TBC1D32: variants seen among roughly 807,000 people sequenced by gnomAD.
TBC1D32 encodes the protein protein broad-minded.
In TBC1D32, 151 loss-of-function variants were observed where a neutral mutation model predicts 170.3. The observed-to-expected ratio is 0.89, with a 90% CI of 0.78 to 1.01. The LOEUF is 1.01. Ranked by LOEUF, TBC1D32 falls within the 50% of genes least tolerant of loss-of-function variation. The pLI is 0.00. For synonymous variants in TBC1D32, 498 were observed against 488.0 expected (o/e 1.02, Z -0.27); for missense variants, 1,464 against 1,457.1 (o/e 1.00, Z -0.08).
chr6:121,182,203 C>T (rs762419768), intron 22 of TBC1D32, among the ~76,000 whole-genome samples: 1 of 151,906 alleles, frequency 6.6e-6, no homozygotes, highest in Non-Finnish European at 1.5e-5. Context: ...GCAAATAGTA[C>T]TTGCAAATTC....
intron 22 of TBC1D32, among the ~76,000 whole-genome samples, chr6:121,188,383 T>A (rs1789490839): frequency 6.6e-6 from 1 of 152,122 alleles, no homozygotes; most frequent in African/African-American, 2.4e-5. Flanking sequence ...AAAGGATACA[T>A]AGTCATAACA....
chr6:121,256,045 G>T (rs1462140455), intron 16 of TBC1D32, 39 bp downstream of exon 16: 1 of 1,535,144 alleles, frequency 6.5e-7, no homozygotes, highest in South Asian at 1.2e-5. Flanking sequence ...TTGAAATAAA[G>T]ATTTGCAGGG....
In TBC1D32 at chr6:121,106,141, A is replaced by G. The variant is rs1778657889; in HGVS notation, c.3347T>C (p.Val1116Ala). ...HISSYLPNDT[V>A]ESGIHPVYFC... ...ATATACTGGATGGATGCCAGATTCT[A>G]CAGTGTCATTAGGAAGGTAACTCTG... is the stretch of plus-strand genomic sequence containing the variant. The change falls in exon 30 of 32, where the codon GTA becomes GCA. Residue 1116 changes from valine (V) to alanine (A), a missense_variant. This residue lies in a region of TBC1D32 where 1,363 missense variants were observed against 1,338.1 expected (regional missense o/e 1.02). Coordinates refer to ENST00000398212, the MANE Select transcript of TBC1D32 (RefSeq NM_152730.6). The G allele has an allele frequency of 5.1e-6, 8 of 1,567,976 alleles. No individual in the cohort carries two copies. In the South Asian group the frequency reaches 6.1e-5, roughly 12 times the overall value.
At chr6:121,231,318 T>C (rs1212568025) in intron 20 of TBC1D32, among the ~76,000 whole-genome samples, 3 of 152,192 alleles carry the variant, frequency 2.0e-5, no homozygotes, top group Non-Finnish European at 4.4e-5. Context: ...TCTTTACTCA[T>C]TGATTGATGT....
chr6:121,326,636 C>A (rs545682070), intron 1 of TBC1D32, among the ~76,000 whole-genome samples: 2 of 152,118 alleles, frequency 1.3e-5, no homozygotes, highest in Non-Finnish European at 2.9e-5. Flanking sequence ...CCTATGACCA[C>A]AGTAATATCT....
At chr6:121,180,776 T>A (rs912995822) in intron 22 of TBC1D32, among the ~76,000 whole-genome samples, 1 of 152,006 alleles carries the variant, frequency 6.6e-6, no homozygotes, top group Non-Finnish European at 1.5e-5. Flanking sequence ...AAGAAAACAG[T>A]GGACAAACTG....
chr6:121,261,786 T>G (rs955782280), intron 15 of TBC1D32, among the ~76,000 whole-genome samples: 1 of 152,088 alleles, frequency 6.6e-6, no homozygotes, highest in Non-Finnish European at 1.5e-5. Flanking sequence ...ATGAGATGGA[T>G]GAACTGACAG....
intron 21 of TBC1D32, among the ~76,000 whole-genome samples, chr6:121,212,455 T>C (rs1022507402): frequency 8.2e-5 from 11 of 133,520 alleles, no homozygotes; most frequent in African/African-American, 3.0e-4. Flanking sequence ...TATCTCTTTT[T>C]TTTTTTTTTT....
At chr6:121,116,641 T>C (rs1779713282) in intron 26 of TBC1D32, among the ~76,000 whole-genome samples, 1 of 152,210 alleles carries the variant, frequency 6.6e-6, no homozygotes, top group Non-Finnish European at 1.5e-5. Context: ...CCCATCATGA[T>C]GTGTTCCACA....
At chr6:121,244,305 G>A (rs574942405) in intron 17 of TBC1D32, among the ~76,000 whole-genome samples, 1 of 152,074 alleles carries the variant, frequency 6.6e-6, no homozygotes, top group Non-Finnish European at 1.5e-5. Context: ...TAAAGAAAAT[G>A]AATCAATAAA....
intron 15 of TBC1D32, among the ~76,000 whole-genome samples, chr6:121,271,944 A>T (rs1422880633): frequency 6.6e-6 from 1 of 152,152 alleles, no homozygotes; most frequent in Non-Finnish European, 1.5e-5. Context: ...GCCCTCAGAA[A>T]TAATACCACA....
At chr6:121,186,431 T>C (rs561101921) in intron 22 of TBC1D32, among the ~76,000 whole-genome samples, 32 of 151,864 alleles carry the variant, frequency 2.1e-4, no homozygotes, top group African/African-American at 7.2e-4. Context: ...GCTTTAGATA[T>C]AAAAAAACAA....
intron 3 of TBC1D32, among the ~76,000 whole-genome samples, chr6:121,313,487 A>C (rs1808532901): frequency 6.6e-6 from 1 of 151,710 alleles, no homozygotes; most frequent in African/African-American, 2.4e-5. Context: ...GCCAGCAAGC[A>C]AAAATAAGTT....
At chr6:121,172,614 G>C (rs556090968) in intron 22 of TBC1D32, among the ~76,000 whole-genome samples, 3 of 152,202 alleles carry the variant, frequency 2.0e-5, no homozygotes, top group African/African-American at 7.2e-5. Context: ...ATGGGTAGTA[G>C]AAGAAGGTAG....
At chr6:121,317,391 T>G (rs1335515096) in intron 3 of TBC1D32, 104 bp downstream of exon 3, 2 of 854,848 alleles carry the variant, frequency 2.3e-6, no homozygotes, top group African/African-American at 3.5e-5. Context: ...ATTTTTCTCC[T>G]GAATCTTAAG....
chr6:121,260,996 C>T (rs76813799), intron 15 of TBC1D32, among the ~76,000 whole-genome samples: 3,645 of 152,222 alleles, frequency 0.024, 162 homozygotes, highest in East Asian at 0.12. Context: ...TTCCCCACAG[C>T]GCAGCACACC....
At chr6:121,158,558 G>C (rs552492274) in intron 24 of TBC1D32, among the ~76,000 whole-genome samples, 4 of 152,234 alleles carry the variant, frequency 2.6e-5, no homozygotes, top group Admixed American at 2.6e-4. Flanking sequence ...AGTGCATTTG[G>C]TTGGAGGTAA....
At chr6:121,220,768 G>A (rs184682034) in intron 21 of TBC1D32, among the ~76,000 whole-genome samples, 50 of 149,844 alleles carry the variant, frequency 3.3e-4, no homozygotes, top group African/African-American at 1.2e-3. Context: ...ATCCTCCCAT[G>A]TAGCTGGGAT....
chr6:121,252,003 C>T (rs1205933597), intron 17 of TBC1D32, among the ~76,000 whole-genome samples: 1 of 152,060 alleles, frequency 6.6e-6, no homozygotes, highest in Non-Finnish European at 1.5e-5. Flanking sequence ...TAGAGAAATG[C>T]AAATCAAAAC....
Sources: gnomAD v4.1 joint callset for allele counts (sites outside exome capture counted in the v4.1 genomes callset) on GRCh38, gnomAD v4.1.1 for gene constraint, gnomAD v4.1.1 regional missense constraint, MANE v1.5 for transcripts, NCBI Gene and HGNC (gene_info 2026-07-23, HGNC 2026-07-21) for gene names.